The following AGL variants were observed in gnomAD, a reference collection of about 807,000 sequenced individuals.
The protein encoded by AGL is glycogen debranching enzyme.
In AGL, 128 loss-of-function variants were observed where a neutral mutation model predicts 199.3. That is an observed-to-expected ratio of 0.64 (90% CI 0.56 to 0.74). The LOEUF (loss-of-function observed/expected upper bound fraction) is 0.74, where lower values mean the gene tolerates loss of function less well. AGL is among the 30% of genes least tolerant of loss of function. The pLI is 0.00. For missense variants in AGL, 1,809 were observed against 1,820.8 expected (o/e 0.99, Z 0.12); for synonymous variants, 584 against 594.7 (o/e 0.98, Z 0.26).
chr1:99,888,686 GTTTTATTCA>G (rs1652645772), intron 21 of AGL, among the ~76,000 whole-genome samples: 1 of 152,064 alleles, frequency 6.6e-6, no homozygotes, highest in Admixed American at 6.6e-5. Context: ...GTATTTATCA[GTTTTATTCA>G]TCTAGTTGGT....
intron 33 of AGL, among the ~76,000 whole-genome samples, chr1:99,918,343 T>G (rs1358457102): frequency 6.6e-6 from 1 of 152,218 alleles, no homozygotes; most frequent in African/African-American, 2.4e-5. Flanking sequence ...CTTCCATGTC[T>G]CTGCTTAATG....
rs1009898954 is a variant in AGL, at chr1:99,877,715, G to A, written c.1498G>A (p.Glu500Lys). The A allele has an allele frequency of 5.0e-6, 8 of 1,613,942 alleles. No individual in the cohort carries two copies. Among genetic ancestry groups the A allele is most frequent in the Non-Finnish European group, 6.8e-6 (8 of 1,179,964 alleles). ...SVKLRYGNKPEDCPYLWAHMK... is the reference protein window; with the variant it reads ...SVKLRYGNKPKDCPYLWAHMK... ...TAAATTACGCTATGGGAATAAACCA[G>A]AGGACTGTCCTTATCTCTGGGCACA... The change falls in exon 12 of 34, where the codon GAG becomes AAG. Residue 500 changes from glutamate (E) to lysine (K), a missense_variant. Glu to Lys is a moderately conservative substitution (Grantham distance 56, BLOSUM62 1). Transcript: ENST00000361915.
intron 26 of AGL, among the ~76,000 whole-genome samples, chr1:99,901,136 G>A (rs1020528400): frequency 2.0e-5 from 3 of 151,714 alleles, no homozygotes; most frequent in Non-Finnish European, 4.4e-5. Context: ...AGAGAGAGAA[G>A]GTCCAGTAGG....
chr1:99,892,009 A>C (rs1289515887), intron 23 of AGL, among the ~76,000 whole-genome samples: 1 of 152,166 alleles, frequency 6.6e-6, no homozygotes, highest in African/African-American at 2.4e-5. Context: ...TGACTTATTG[A>C]GTTAATTGAT....
At chr1:99,912,320 T>C in intron 28 of AGL, 85 bp from the exon 29 acceptor site, 2 of 943,256 alleles carry the variant, frequency 2.1e-6, no homozygotes, top group Non-Finnish European at 1.7e-6. Flanking sequence ...GTTATATGAT[T>C]CATTACAATT....
intron 23 of AGL, 148 bp downstream of exon 23, chr1:99,891,887 C>T: frequency 3.4e-6 from 3 of 895,302 alleles, no homozygotes; most frequent in Middle Eastern, 2.7e-4. Flanking sequence ...TTATTAGCAT[C>T]CTTTAGTCTG....
Position 99,881,164 on chromosome 1 carries a change from T to G in AGL, c.1988T>G (p.Leu663Ter). ...GGAAGTACAAGAGGCTATGATGAATTAGTGCCTCATCAGGTTTGTTTATAT... is the reference window on the plus strand; with the variant it reads ...GGAAGTACAAGAGGCTATGATGAATGAGTGCCTCATCAGGTTTGTTTATAT... ...ASGSTRGYDE[L>*]VPHQISVVSE... Residue 663 changes from leucine to a stop codon, truncating the protein, a stop_gained, in exon 15 of 34, where the codon TTA becomes TGA. Transcript: ENST00000361915. LOFTEE classifies it high-confidence loss of function. 6.2e-7 allele frequency: 1 copy of G among 1,613,508 alleles called. No homozygotes were observed. Among genetic ancestry groups the G allele is most frequent in the Non-Finnish European group, 8.5e-7 (1 of 1,179,464 alleles).
chr1:99,901,010 A>G, intron 26 of AGL, 149 bp downstream of exon 26: 2 of 755,256 alleles, frequency 2.6e-6, no homozygotes, highest in East Asian at 2.7e-5. Context: ...TGCTGGTACT[A>G]TAAGTGATTG....
At chr1:99,882,366 T>C (rs1652112125) in intron 17 of AGL, among the ~76,000 whole-genome samples, 1 of 152,196 alleles carries the variant, frequency 6.6e-6, no homozygotes, top group South Asian at 2.1e-4. Context: ...AATGTCTTTG[T>C]GTGTATATAT....
intron 17 of AGL, 50 bp from the exon 18 acceptor site, chr1:99,884,070 T>C (rs1159321776): frequency 6.6e-7 from 1 of 1,510,138 alleles, no homozygotes; most frequent in Non-Finnish European, 9.2e-7. Flanking sequence ...CTTCCTAATT[T>C]TGGATGATTC....
At chr1:99,870,208 T>C (rs771912565) in intron 5 of AGL, among the ~76,000 whole-genome samples, 192 bp from the exon 6 acceptor site, 1 of 151,760 alleles carries the variant, frequency 6.6e-6, no homozygotes, top group African/African-American at 2.4e-5. Context: ...AAAAAAAGTA[T>C]GCTGAAGCGA....
At chr1:99,868,018 T>G (rs1650677627) in intron 5 of AGL, among the ~76,000 whole-genome samples, 1 of 152,208 alleles carries the variant, frequency 6.6e-6, no homozygotes, top group South Asian at 2.1e-4. Context: ...ATGTTTCTTC[T>G]TATGCTGAAT....
At chr1:99,861,858 T>G (rs1650067621) in intron 3 of AGL, 145 bp downstream of exon 3, 1 of 959,064 alleles carries the variant, frequency 1.0e-6, no homozygotes, top group Non-Finnish European at 1.6e-6. Context: ...ATTCTTTGAT[T>G]TCTAGGAGGT....
chr1:99,916,094 A>G (rs965037677), intron 31 of AGL, among the ~76,000 whole-genome samples: 3 of 152,128 alleles, frequency 2.0e-5, no homozygotes, highest in Non-Finnish European at 1.5e-5. Flanking sequence ...AATATATTAG[A>G]GGCCTAGGAA....
intron 33 of AGL, among the ~76,000 whole-genome samples, chr1:99,919,688 T>G (rs992698789): frequency 3.9e-5 from 6 of 152,180 alleles, no homozygotes; most frequent in Non-Finnish European, 8.8e-5. Context: ...AGTGTTTAAT[T>G]CTATTTTTCT....
chr1:99,920,325 C>T (rs1271905887), intron 33 of AGL, among the ~76,000 whole-genome samples: 1 of 152,210 alleles, frequency 6.6e-6, no homozygotes, highest in African/African-American at 2.4e-5. Flanking sequence ...GCCCTGTCTC[C>T]TAGCTGCTGA....
Position 99,902,683 on chromosome 1 carries a change from G to T in AGL, c.3589G>T (p.Asp1197Tyr). ...DSAPLPAGTL[D>Y]QPLFEVIQEA... ...GTAACACCCATTATGTCTCAAACAG[G>T]ATCAGCCATTGTTTGAAGTCATACA... Residue 1197 changes from aspartate (D) to tyrosine (Y), a missense_variant and splice_region_variant, in exon 27 of 34, where the codon GAT (aspartate) becomes TAT (tyrosine). Coordinates refer to ENST00000361915, the MANE Select transcript of AGL (RefSeq NM_000642.3). 1 of 1,608,992 alleles carries T rather than the reference G, an allele frequency of 6.2e-7. No individual in the cohort carries two copies. Among genetic ancestry groups the T allele is most frequent in the Non-Finnish European group, 8.5e-7 (1 of 1,175,598 alleles).
chr1:99,921,293 C>T (rs1655493614), intron 33 of AGL, among the ~76,000 whole-genome samples: 1 of 152,050 alleles, frequency 6.6e-6, no homozygotes. Context: ...GTAGTTTCTT[C>T]TATGTTTTTA....
chr1:99,911,739 G>T (rs77905995), intron 28 of AGL, among the ~76,000 whole-genome samples: 1 of 152,070 alleles, frequency 6.6e-6, no homozygotes, highest in Admixed American at 6.6e-5. Context: ...CACTGCACTC[G>T]GCCTTTTATT....
Sources: allele counts gnomAD v4.1 joint callset (sites outside exome capture counted in the v4.1 genomes callset), GRCh38; gene constraint gnomAD v4.1.1; transcripts MANE v1.5; gene names NCBI Gene and HGNC (gene_info 2026-07-23, HGNC 2026-07-21).